Variants in MAGI2 observed in about 807,000 individuals in gnomAD.
MAGI2 encodes the protein membrane-associated guanylate kinase, WW and PDZ domain-containing protein 2.
MAGI2 carries 35 observed loss-of-function variants against 133.3 expected under a neutral mutation model. That is an observed-to-expected ratio of 0.26 (90% CI 0.20 to 0.35). The LOEUF (loss-of-function observed/expected upper bound fraction) is 0.35. Among genes scored for constraint, MAGI2 ranks in the 10% least tolerant of loss-of-function variants. MAGI2 has a pLI of 1.00. For synonymous variants in MAGI2, 729 were observed against 710.6 expected, an observed-to-expected ratio of 1.03 and a Z score of -0.41; for missense variants, 1,636 against 1,863.4, an observed-to-expected ratio of 0.88 and a Z score of 2.25.
chr7:78,578,475 T>C (rs1461713319), intron 3 of MAGI2, among the ~76,000 whole-genome samples: 1 of 151,628 alleles, frequency 6.6e-6, no homozygotes, highest in Non-Finnish European at 1.5e-5. Context: ...GGAAAAAACA[T>C]AGAAGTAAAA....
intron 1 of MAGI2, among the ~76,000 whole-genome samples, chr7:79,217,971 C>G (rs1368007013): frequency 6.6e-6 from 1 of 151,818 alleles, no homozygotes; most frequent in African/African-American, 2.4e-5. Flanking sequence ...ACAACATGCA[C>G]GAATATTAGG....
In MAGI2 at chr7:78,184,149, CAT is replaced by C. The variant is rs199843341; in HGVS notation, c.2311+1478_2311+1479del. ...CATTCAGAATCTGAGATTTTTAAGACATGTGCTTTTTGTGACCAGTAAGCTGA... is the reference window on the plus strand; with the variant it reads ...CATTCAGAATCTGAGATTTTTAAGACGTGCTTTTTGTGACCAGTAAGCTGA... On this transcript the variant is annotated intron_variant, in intron 13 of 21. Coordinates refer to ENST00000354212, the MANE Select transcript of MAGI2 (RefSeq NM_012301.4). 9.1e-3 allele frequency among the ~76,000 whole-genome samples: 1,389 copies of C among 152,264 alleles called. 23 individuals are homozygous for C. The highest frequency in any genetic ancestry group is 0.032 in the African/African-American group (1,327 of 41,552).
In MAGI2 at chr7:78,728,667, AC is replaced by A. The variant is rs1047962000; in HGVS notation, c.419-101429del. ...TGCAAGCTCCGCCTCCCGGGTTCAC[AC>A]CATTCTCCTGCCTCAGCCTCCCAAG... is the stretch of plus-strand genomic sequence containing the variant. On this transcript the variant is annotated intron_variant, in intron 2 of 21. Coordinates refer to ENST00000354212, the MANE Select transcript of MAGI2 (RefSeq NM_012301.4). 8.9e-5 allele frequency among the ~76,000 whole-genome samples: 9 copies of A among 100,886 alleles called. 2 individuals carry two copies. Among genetic ancestry groups the A allele is most frequent in the Admixed American group, 2.2e-4 (2 of 9,008 alleles). 66.2% of individuals were successfully genotyped at this position (100,886 alleles called of 152,430 possible).
intron 1 of MAGI2, among the ~76,000 whole-genome samples, chr7:79,197,006 C>G (rs936990870): frequency 1.3e-4 from 19 of 151,984 alleles, no homozygotes; most frequent in African/African-American, 4.6e-4. Flanking sequence ...GTCTTGAACT[C>G]CTGGACTCAA....
intron 6 of MAGI2, among the ~76,000 whole-genome samples, chr7:78,450,927 A>G (rs7794878): frequency 0.18 from 26,676 of 152,100 alleles, 2,872 homozygotes; most frequent in African/African-American, 0.3. Context: ...TAATTGCTGA[A>G]CCATGATACA....
chr7:78,246,833 C>T (rs1224924186), intron 10 of MAGI2, among the ~76,000 whole-genome samples: 1 of 152,208 alleles, frequency 6.6e-6, no homozygotes, highest in Non-Finnish European at 1.5e-5. Flanking sequence ...CCCTTCTTTT[C>T]TGGAGCCAGG....
Position 78,639,762 on chromosome 7 carries a change from A to T in MAGI2, c.419-12523T>A, listed in dbSNP as rs540902694. Reference sequence around the variant, plus strand: ...ATCTGTACATATTACAGGGAACAGGAAATTCTCCCCATTCAGGCCAGTGTG... The same window carrying T: ...ATCTGTACATATTACAGGGAACAGGTAATTCTCCCCATTCAGGCCAGTGTG... On this transcript the variant is annotated intron_variant, in intron 2 of 21. Coordinates refer to ENST00000354212, the MANE Select transcript of MAGI2 (RefSeq NM_012301.4). Among the ~76,000 whole-genome samples, 14 of 152,322 alleles carry T rather than the reference A, an allele frequency of 9.2e-5. No individual in the cohort carries two copies. In the South Asian group the frequency reaches 1.2e-3, roughly 14 times the overall value.
chr7:79,129,322 C>T (rs954734316), intron 1 of MAGI2, among the ~76,000 whole-genome samples: 2 of 152,176 alleles, frequency 1.3e-5, no homozygotes, highest in Non-Finnish European at 2.9e-5. Flanking sequence ...GTGTGTATCA[C>T]GTTTGCACCA....
At chr7:78,198,775 A>G (rs1828975039) in intron 11 of MAGI2, among the ~76,000 whole-genome samples, 1 of 152,184 alleles carries the variant, frequency 6.6e-6, no homozygotes, top group Non-Finnish European at 1.5e-5. Flanking sequence ...TTCTTACTGT[A>G]GAAAGTGGGG....
intron 1 of MAGI2, among the ~76,000 whole-genome samples, chr7:79,423,786 CATAA>C (rs1180062149): frequency 6.6e-6 from 1 of 151,972 alleles, no homozygotes; most frequent in Non-Finnish European, 1.5e-5. Context: ...TATGTAAAAT[CATAA>C]ATATCCTTAT....
intron 20 of MAGI2, among the ~76,000 whole-genome samples, chr7:78,113,918 A>C (rs984384750): frequency 6.6e-6 from 1 of 152,322 alleles, no homozygotes. Context: ...TCTCTGTGAA[A>C]TTACTTTCAG....
rs570562662 is a variant in MAGI2 at position 78,962,575 on chromosome 7, G to C, written c.418+44515C>G. ...TAACACTTCAGAAAATGTAATTTAG[G>C]TTCCAAAATAAAAAACTCAACTGAA... On this transcript the variant is annotated intron_variant, in intron 2 of 21. Coordinates refer to ENST00000354212, the MANE Select transcript of MAGI2 (RefSeq NM_012301.4). Among the ~76,000 whole-genome samples the C allele has an allele frequency of 1.0e-4, 15 of 148,530 alleles. No individual in the cohort carries two copies. In the East Asian group the frequency reaches 2.6e-3, roughly 25 times the overall value.
At chr7:78,193,843 A>G (rs1043693368) in intron 12 of MAGI2, among the ~76,000 whole-genome samples, 1 of 152,244 alleles carries the variant, frequency 6.6e-6, no homozygotes, top group East Asian at 1.9e-4. Context: ...CTATTTTTCA[A>G]CCAAAATTAG....
intron 11 of MAGI2, among the ~76,000 whole-genome samples, chr7:78,196,856 C>T (rs141733062): frequency 6.6e-6 from 1 of 152,174 alleles, no homozygotes; most frequent in African/African-American, 2.4e-5. Context: ...GATGGAAAAC[C>T]TCTAGTCTAG....
rs1371797948 is a variant in MAGI2 at position 78,728,787 on chromosome 7, G to T, written c.419-101548C>A. On this transcript the variant is annotated intron_variant, in intron 2 of 21. Coordinates refer to ENST00000354212, the MANE Select transcript of MAGI2 (RefSeq NM_012301.4). ...TCACCGTTTTAGCCGGGATGGTCTC[G>T]ATCTCCTGACCTCGTGATCCGCCCG... is the stretch of plus-strand genomic sequence containing the variant. Among the ~76,000 whole-genome samples the T allele has an allele frequency of 1.6e-5, 2 of 125,704 alleles. 1 individual carries two copies. Among genetic ancestry groups the T allele is most frequent in the Non-Finnish European group, 3.5e-5 (2 of 57,316 alleles). 82.5% of individuals were successfully genotyped at this position (125,704 alleles called of 152,430 possible).
intron 1 of MAGI2, among the ~76,000 whole-genome samples, chr7:79,305,027 G>A (rs980408385): frequency 1.4e-4 from 22 of 152,156 alleles, no homozygotes; most frequent in African/African-American, 5.3e-4. Context: ...ACTATGGAGC[G>A]ATGATGGAAA....
At chr7:78,053,260 T>A (rs192467516) in intron 21 of MAGI2, among the ~76,000 whole-genome samples, 24 of 152,358 alleles carry the variant, frequency 1.6e-4, no homozygotes, top group African/African-American at 5.8e-4. Flanking sequence ...AAATACATCC[T>A]TTTAAAATGT....
intron 12 of MAGI2, among the ~76,000 whole-genome samples, chr7:78,189,850 C>T (rs970732169): frequency 6.6e-6 from 1 of 152,118 alleles, no homozygotes; most frequent in Non-Finnish European, 1.5e-5. Flanking sequence ...AGTGAAGCAA[C>T]AGGACAAGGC....
intron 10 of MAGI2, among the ~76,000 whole-genome samples, chr7:78,232,822 G>A (rs987344527): frequency 3.3e-5 from 5 of 152,180 alleles, no homozygotes; most frequent in African/African-American, 7.2e-5. Context: ...AGATTTTTAA[G>A]ATAGGAAGAA....
Sources: gnomAD v4.1 joint callset for allele counts (sites outside exome capture counted in the v4.1 genomes callset) on GRCh38, gnomAD v4.1.1 for gene constraint, MANE v1.5 for transcripts, NCBI Gene and HGNC (gene_info 2026-07-23, HGNC 2026-07-21) for gene names.